The following NEK11 variants were observed in gnomAD, a reference collection of about 807,000 sequenced individuals.
NEK11 encodes the protein NIMA related kinase 11.
NEK11 carries 72 observed loss-of-function variants against 80.7 expected under a neutral mutation model. The observed-to-expected ratio is 0.89, with a 90% CI of 0.74 to 1.08. NEK11 has a LOEUF of 1.08. NEK11 is among the 50% of genes least tolerant of loss of function. The pLI is 0.00. For missense variants in NEK11, 764 were observed against 763.6 expected, an observed-to-expected ratio of 1.00 and a Z score of -0.01; for synonymous variants, 251 against 260.7, an observed-to-expected ratio of 0.96 and a Z score of 0.36.
intron 16 of NEK11, among the ~76,000 whole-genome samples, chr3:131,255,135 A>C (rs1182517181): frequency 6.6e-6 from 1 of 151,922 alleles, no homozygotes; most frequent in Non-Finnish European, 1.5e-5. Flanking sequence ...AAAGAGAGAA[A>C]GAACAGCTAA....
intron 14 of NEK11, among the ~76,000 whole-genome samples, chr3:131,180,687 A>G (rs1158025154): frequency 6.6e-6 from 1 of 152,222 alleles, no homozygotes; most frequent in Admixed American, 6.5e-5. Flanking sequence ...TTACAGAATC[A>G]AAGACACCAT....
intron 17 of NEK11, among the ~76,000 whole-genome samples, chr3:131,293,907 A>C (rs1436408044): frequency 6.6e-6 from 1 of 152,006 alleles, no homozygotes; most frequent in Admixed American, 6.6e-5. Flanking sequence ...AATGTTTCTT[A>C]CATCTATAGT....
chr3:131,092,308 G>A (rs2076852002), intron 4 of NEK11, among the ~76,000 whole-genome samples: 1 of 152,146 alleles, frequency 6.6e-6, no homozygotes, highest in Admixed American at 6.5e-5. Flanking sequence ...CTGTATATGA[G>A]CATTTAAGAC....
intron 3 of NEK11, among the ~76,000 whole-genome samples, chr3:131,047,232 C>T (rs2067544138): frequency 6.6e-6 from 1 of 152,108 alleles, no homozygotes; most frequent in African/African-American, 2.4e-5. Context: ...TTCTCTGATG[C>T]CTTCTCGATT....
chr3:131,273,182 CCT>C (rs1553983101), intron 16 of NEK11, among the ~76,000 whole-genome samples: 1 of 152,166 alleles, frequency 6.6e-6, no homozygotes, highest in African/African-American at 2.4e-5. Context: ...TACATTTCCC[CCT>C]GAGTTTTCTA....
In NEK11 at chr3:131,151,128, A is replaced by G. The variant is rs572069342; in HGVS notation, c.648-1260A>G. On this transcript the variant is annotated intron_variant, in intron 7 of 17. Transcript: ENST00000383366. Reference sequence around the variant, plus strand: ...CTTTCTAGCATTCTTTAATGGAAACAGTCTAGGATTTGGAAAGATAAATGC... The same window carrying G: ...CTTTCTAGCATTCTTTAATGGAAACGGTCTAGGATTTGGAAAGATAAATGC... Among the ~76,000 whole-genome samples, 39 of 152,162 alleles carry G rather than the reference A, an allele frequency of 2.6e-4. No individual in the cohort carries two copies. In the South Asian group the frequency reaches 8.1e-3, roughly 32 times the overall value.
chr3:131,344,562 C>T (rs1001247634), intron 17 of NEK11, among the ~76,000 whole-genome samples: 1 of 152,056 alleles, frequency 6.6e-6, no homozygotes, highest in Admixed American at 6.6e-5. Flanking sequence ...TATCAATTTT[C>T]TGTATTAGGC....
At chr3:131,184,233 C>T (rs545998361) in intron 14 of NEK11, among the ~76,000 whole-genome samples, 6 of 152,250 alleles carry the variant, frequency 3.9e-5, no homozygotes, top group African/African-American at 1.2e-4. Flanking sequence ...AACTTAGAGT[C>T]AATAAACTAG....
At chr3:131,150,035 C>T (rs1056811377) in intron 7 of NEK11, among the ~76,000 whole-genome samples, 4 of 151,888 alleles carry the variant, frequency 2.6e-5, no homozygotes, top group African/African-American at 9.7e-5. Context: ...ATTAGCATTC[C>T]ATTAAAAGTG....
chr3:131,310,384 C>A (rs1335716997), intron 17 of NEK11, among the ~76,000 whole-genome samples: 1 of 152,152 alleles, frequency 6.6e-6, no homozygotes, highest in Non-Finnish European at 1.5e-5. Context: ...CAGTGAGGAA[C>A]TGGGTTTTAA....
rs2245279 is a variant in NEK11, at chr3:131,177,080, G to A, written c.1399+6193G>A. ...TCAGACAGTGCTCTGCATATACCAC[G>A]GTATGGTTTTCCTTTAGTTGATGAA... On this transcript the variant is annotated intron_variant, in intron 14 of 17. Coordinates refer to ENST00000383366, the MANE Select transcript of NEK11 (RefSeq NM_024800.5). 5.3e-5 allele frequency among the ~76,000 whole-genome samples: 8 copies of A among 152,186 alleles called. No individual in the cohort carries two copies. The East Asian group carries it at 1.6e-3, about 29-fold the overall frequency.
At chr3:131,115,723 G>A (rs2080902066) in intron 5 of NEK11, among the ~76,000 whole-genome samples, 2 of 152,060 alleles carry the variant, frequency 1.3e-5, no homozygotes, top group Admixed American at 1.3e-4. Context: ...TCTGCAGAGA[G>A]CCCACCTGCT....
chr3:131,220,558 C>A (rs549620526), intron 14 of NEK11, among the ~76,000 whole-genome samples: 2 of 152,090 alleles, frequency 1.3e-5, no homozygotes, highest in African/African-American at 4.8e-5. Context: ...TTATTAGAGC[C>A]TTATAATAGC....
chr3:131,139,887 C>T (rs377730548), intron 7 of NEK11, among the ~76,000 whole-genome samples: 15 of 152,238 alleles, frequency 9.9e-5, no homozygotes, highest in African/African-American at 3.1e-4. Flanking sequence ...TAGCGAGGAG[C>T]ATCAGGGGCG....
rs2097424503 is a variant in NEK11 at position 131,349,632 on chromosome 3, T to C, written c.1794T>C (p.Asn598=). Residue 598 remains asparagine (N), a synonymous_variant, in exon 18 of 18, where the codon AAT becomes AAC. Coordinates refer to ENST00000383366, the MANE Select transcript of NEK11 (RefSeq NM_024800.5). ...YNYLKRARHQ[N]ASEAEIRECL... ...ACCTCAAGAGAGCAAGGCATCAGAA[T>C]GCTAGCGAAGCAGAGATCCGCGAGT... 2 of 1,614,210 alleles carry C rather than the reference T, an allele frequency of 1.2e-6. No homozygotes were observed. The highest frequency in any genetic ancestry group is 8.5e-7 in the Non-Finnish European group (1 of 1,180,022).
chr3:131,096,850 G>A (rs1193651042), intron 4 of NEK11, among the ~76,000 whole-genome samples: 1 of 149,404 alleles, frequency 6.7e-6, no homozygotes, highest in African/African-American at 2.5e-5. Context: ...TCGTCATTTA[G>A]CATTAGGTAT....
At chr3:131,283,749 A>G (rs2096434354) in intron 17 of NEK11, among the ~76,000 whole-genome samples, 1 of 152,186 alleles carries the variant, frequency 6.6e-6, no homozygotes, top group Admixed American at 6.5e-5. Flanking sequence ...AAAGGTCAGT[A>G]TCAGGCAGTG....
chr3:131,330,014 A>T (rs2097048180), intron 17 of NEK11: 1 of 152,280 alleles, frequency 6.6e-6, no homozygotes, highest in African/African-American at 2.4e-5. Context: ...GGGTAGAAGC[A>T]GGAAACGAAT....
intron 5 of NEK11, among the ~76,000 whole-genome samples, chr3:131,129,300 T>C (rs2083977092): frequency 6.6e-6 from 1 of 152,124 alleles, no homozygotes; most frequent in Admixed American, 6.5e-5. Flanking sequence ...GTGATCTGCC[T>C]GCCTCAGCCT....
Sources: gnomAD v4.1 joint callset for allele counts (sites outside exome capture counted in the v4.1 genomes callset) on GRCh38, gnomAD v4.1.1 for gene constraint, MANE v1.5 for transcripts, NCBI Gene and HGNC (gene_info 2026-07-23, HGNC 2026-07-21) for gene names.